The following PCDHA9 variants were observed in gnomAD, a reference collection of about 807,000 sequenced individuals.
The protein encoded by PCDHA9 is protocadherin alpha-9.
A neutral mutation model predicts 62.0 loss-of-function variants in PCDHA9; 62 were observed. That is an observed-to-expected ratio of 1.00 (90% CI 0.81 to 1.23). PCDHA9 has a LOEUF of 1.23. Among genes scored for constraint, PCDHA9 ranks in the 50% most tolerant of loss-of-function variants. The probability of loss-of-function intolerance (pLI) is 0.00; values close to 1 mark genes in which losing one functional copy is unlikely to be tolerated. For synonymous variants in PCDHA9, 557 were observed against 567.6 expected (o/e 0.98, Z 0.27); for missense variants, 1,205 against 1,249.8 (o/e 0.96, Z 0.54).
chr5:140,927,137 A>T, intron 1 of PCDHA9: 1 of 1,614,052 alleles, frequency 6.2e-7, no homozygotes, highest in Non-Finnish European at 8.5e-7. Context: ...GAGCCGGCGG[A>T]CCGCGAACAG....
At chr5:140,971,034 A>G (rs576529050) in intron 1 of PCDHA9, among the ~76,000 whole-genome samples, 1 of 152,202 alleles carries the variant, frequency 6.6e-6, no homozygotes, top group Non-Finnish European at 1.5e-5. Context: ...ATTTGAAAGC[A>G]CGTAAAAGGG....
At chr5:140,969,450 G>A (rs1554231822) in intron 1 of PCDHA9, 4 of 1,511,552 alleles carry the variant, frequency 2.6e-6, no homozygotes, top group Non-Finnish European at 3.6e-6. Flanking sequence ...GGTAAACTGA[G>A]TATATATAGT....
intron 1 of PCDHA9, among the ~76,000 whole-genome samples, chr5:140,921,910 A>G (rs1474219286): frequency 6.6e-6 from 1 of 152,086 alleles, no homozygotes; most frequent in Non-Finnish European, 1.5e-5. Context: ...TATATATTAC[A>G]TGATAAAACT....
chr5:140,869,858 T>C (rs1554163543), intron 1 of PCDHA9: 5 of 1,610,642 alleles, frequency 3.1e-6, no homozygotes, highest in East Asian at 4.5e-5. Context: ...GTGAGCCTTA[T>C]GGAAAATGCT....
chr5:140,977,681 A>G (rs1363970729), intron 1 of PCDHA9, among the ~76,000 whole-genome samples: 2 of 152,208 alleles, frequency 1.3e-5, no homozygotes, highest in African/African-American at 4.8e-5. Context: ...AATATCATGT[A>G]GCCATCCAGA....
At chr5:140,858,251 C>A in intron 1 of PCDHA9, 1 of 1,596,688 alleles carries the variant, frequency 6.3e-7, no homozygotes, top group East Asian at 2.2e-5. Context: ...GCCGGTGAAG[C>A]CCACGCTGGT....
chr5:140,898,653 G>A (rs1321472129), intron 1 of PCDHA9, among the ~76,000 whole-genome samples: 1 of 152,202 alleles, frequency 6.6e-6, no homozygotes, highest in Non-Finnish European at 1.5e-5. Context: ...TTTTGGCTTA[G>A]GATTGACTTG....
At chr5:140,929,132 T>C (rs782124526) in intron 1 of PCDHA9, 2 of 1,614,214 alleles carry the variant, frequency 1.2e-6, no homozygotes, top group East Asian at 4.5e-5. Flanking sequence ...GTCACTACAG[T>C]TGAGAGACTT....
intron 1 of PCDHA9, among the ~76,000 whole-genome samples, chr5:140,941,202 C>CCTTTCTTCCTTTCTTTCTTTCTTTCTTT (rs1394736170): frequency 6.0e-4 from 74 of 122,806 alleles, no homozygotes; most frequent in Middle Eastern, 4.2e-3. Flanking sequence ...TTTCTTTCTT[C>CCTTTCTTCCTTTCTTTCTTTCTTTCTTT]CTTTCTTTCT....
At chr5:140,966,678 C>G (rs2096036369) in intron 1 of PCDHA9, 8 of 1,313,236 alleles carry the variant, frequency 6.1e-6, no homozygotes, top group Non-Finnish European at 2.9e-6. Context: ...CAGGGTGGCA[C>G]GAGCGGAGGC....
chr5:140,928,128 A>C (rs782708968), intron 1 of PCDHA9: 1 of 1,614,194 alleles, frequency 6.2e-7, no homozygotes, highest in Admixed American at 1.7e-5. Context: ...GTGAATACCA[A>C]GTCCTGATCA....
chr5:140,877,707 G>A, intron 1 of PCDHA9: 2 of 1,614,062 alleles, frequency 1.2e-6, no homozygotes, highest in Non-Finnish European at 1.7e-6. Flanking sequence ...CCAGCGCCGT[G>A]GGGAGTTGGT....
rs2098423382 is a variant in PCDHA9, at chr5:141,012,241, T to C, written c.*2304T>C. On this transcript the variant is annotated 3_prime_UTR_variant, in exon 4 of 4. Coordinates refer to ENST00000532602, the MANE Select transcript of PCDHA9 (RefSeq NM_031857.2). ...GTGCTTTCCAATCCATGTTAGTTAC[T>C]AGTTATTACAGCTGTAAGGATAAAA... 6.5e-6 allele frequency: 1 copy of C among 153,802 alleles called. No homozygotes were observed. The highest frequency in any genetic ancestry group is 6.5e-5 in the Admixed American group (1 of 15,284). The allele number at this position is 153,802 out of a possible 1,614,324, so 9.5% of individuals were successfully genotyped here.
chr5:140,867,486 A>G (rs2049987159), intron 1 of PCDHA9: 1 of 152,146 alleles, frequency 6.6e-6, no homozygotes, highest in South Asian at 2.1e-4. Context: ...AAGAGTAAAT[A>G]TGAAAAAAGT....
intron 3 of PCDHA9, among the ~76,000 whole-genome samples, chr5:141,000,411 A>T (rs2097918603): frequency 1.1e-5 from 1 of 94,870 alleles, no homozygotes; most frequent in African/African-American, 4.4e-5. Flanking sequence ...ATATATATAT[A>T]TATATATATA....
intron 1 of PCDHA9, chr5:140,859,840 A>G (rs989673306): frequency 6.6e-6 from 1 of 152,134 alleles, no homozygotes; most frequent in South Asian, 2.1e-4. Flanking sequence ...TTGTTATTTT[A>G]TCAAATAGGT....
chr5:140,905,851 A>G (rs1345912722), intron 1 of PCDHA9, among the ~76,000 whole-genome samples: 1 of 152,204 alleles, frequency 6.6e-6, no homozygotes, highest in Non-Finnish European at 1.5e-5. Context: ...ATTAAGGAGT[A>G]TTAACTCACA....
intron 1 of PCDHA9, chr5:140,884,080 T>C (rs2059984285): frequency 6.2e-7 from 1 of 1,613,538 alleles, no homozygotes; most frequent in Non-Finnish European, 8.5e-7. Flanking sequence ...CGGGCTACAA[T>C]GCGTGGCTTT....
At chr5:140,854,341 G>A (rs1388413417) in intron 1 of PCDHA9, 1 of 189,830 alleles carries the variant, frequency 5.3e-6, no homozygotes, top group Non-Finnish European at 9.6e-6. Flanking sequence ...TTACGCTCCA[G>A]ATAGCTAAAA....
Sources: gnomAD v4.1 joint callset for allele counts (sites outside exome capture counted in the v4.1 genomes callset) on GRCh38, gnomAD v4.1.1 for gene constraint, MANE v1.5 for transcripts, NCBI Gene and HGNC (gene_info 2026-07-23, HGNC 2026-07-21) for gene names.